The following CD80 variants were observed in gnomAD, a reference collection of about 807,000 sequenced individuals.
CD80 encodes CD80 molecule, also known as T-lymphocyte activation antigen CD80.
CD80 carries 13 observed loss-of-function variants against 27.1 expected under a neutral mutation model. The ratio of observed to expected loss-of-function variants is 0.48; its 90% CI spans 0.31 to 0.76. The LOEUF is 0.76. Ranked by LOEUF, CD80 falls within the 30% of genes least tolerant of loss-of-function variation. The pLI is 0.04. For synonymous variants in CD80, 125 were observed against 125.5 expected, an observed-to-expected ratio of 1.00 and a Z score of 0.03; for missense variants, 277 against 347.9, an observed-to-expected ratio of 0.80 and a Z score of 1.62.
chr3:119,543,887 CTTTTT>C (rs71619749), intron 3 of CD80, among the ~76,000 whole-genome samples: 1 of 99,128 alleles, frequency 1.0e-5, no homozygotes. Flanking sequence ...CTCCATTGTT[CTTTTT>C]TTTTTTTTTT....
intron 1 of CD80, among the ~76,000 whole-genome samples, chr3:119,558,765 C>CA (rs11343154): frequency 0.033 from 3,072 of 93,458 alleles, 96 homozygotes; most frequent in African/African-American, 0.083. Flanking sequence ...GACTCCATCT[C>CA]AAAAAAAAAA....
chr3:119,558,239 T>C (rs1327194348), intron 1 of CD80, among the ~76,000 whole-genome samples: 1 of 152,180 alleles, frequency 6.6e-6, no homozygotes, highest in Non-Finnish European at 1.5e-5. Context: ...CTTCTGAACA[T>C]ACCAAGAAAC....
intron 2 of CD80, among the ~76,000 whole-genome samples, chr3:119,547,214 A>G (rs1484792246): frequency 1.3e-5 from 2 of 152,224 alleles, no homozygotes; most frequent in African/African-American, 4.8e-5. Flanking sequence ...TAAGCAACTT[A>G]CTTTACTTCT....
intron 5 of CD80, among the ~76,000 whole-genome samples, chr3:119,529,138 CAG>C (rs923733127): frequency 2.0e-5 from 3 of 151,962 alleles, no homozygotes; most frequent in Non-Finnish European, 2.9e-5. Context: ...TTAGTAGAGA[CAG>C]AGTTTCACCA....
Position 119,529,947 on chromosome 3 carries a change from G to A in CD80, c.701-10C>T, listed in dbSNP as rs1454593360. 3.8e-6 allele frequency: 6 copies of A among 1,581,600 alleles called. No individual in the cohort carries two copies. Among genetic ancestry groups the A allele is most frequent in the Admixed American group, 1.7e-5 (1 of 59,946 alleles). On this transcript the variant is annotated splice_polypyrimidine_tract_variant and intron_variant, in intron 4 of 6. Transcript: ENST00000264246. ...AAATGCTCTTGCTTGGCTATGGAGG[G>A]AAAAGAATAATGTCAGCTGTAATGT...
intron 3 of CD80, among the ~76,000 whole-genome samples, chr3:119,541,917 C>T (rs2082171225): frequency 6.6e-6 from 1 of 152,062 alleles, no homozygotes; most frequent in African/African-American, 2.4e-5. Context: ...TGAAATGTTT[C>T]CTTTTCTCAC....
chr3:119,556,533 G>A (rs1259324497), intron 2 of CD80, among the ~76,000 whole-genome samples: 1 of 152,140 alleles, frequency 6.6e-6, no homozygotes, highest in African/African-American at 2.4e-5. Context: ...AACCTGAGGT[G>A]TAAATTGTGA....
chr3:119,536,810 ATTATAATACCGTATT>A (rs2082141666), intron 4 of CD80, among the ~76,000 whole-genome samples: 1 of 152,232 alleles, frequency 6.6e-6, no homozygotes, highest in South Asian at 2.1e-4. Flanking sequence ...GTCCCATAAA[ATTATAATACCGTATT>A]TTTACTGTAC....
At chr3:119,557,105 A>G (rs1205375583) in intron 2 of CD80, among the ~76,000 whole-genome samples, 1 of 152,238 alleles carries the variant, frequency 6.6e-6, no homozygotes, top group Admixed American at 6.5e-5. Flanking sequence ...AGCAGAACAA[A>G]TAAGATTAAT....
intron 3 of CD80, among the ~76,000 whole-genome samples, chr3:119,544,127 A>G (rs1471660033): frequency 6.6e-6 from 1 of 152,024 alleles, no homozygotes; most frequent in Non-Finnish European, 1.5e-5. Flanking sequence ...ACCTCAAGTG[A>G]TCCGCCTGCC....
At chr3:119,539,118 T>C (rs1363589971) in intron 3 of CD80, among the ~76,000 whole-genome samples, 1 of 152,244 alleles carries the variant, frequency 6.6e-6, no homozygotes, top group Non-Finnish European at 1.5e-5. Context: ...AAAATATCAT[T>C]GAAATGTATT....
chr3:119,530,083 A>C (rs1290564409), intron 4 of CD80, 146 bp from the exon 5 acceptor site: 3 of 588,616 alleles, frequency 5.1e-6, no homozygotes, highest in Non-Finnish European at 9.2e-6. Context: ...TTCTTGCATA[A>C]TTCTTCAATC....
intron 4 of CD80, among the ~76,000 whole-genome samples, chr3:119,536,415 ACTGCAACTTTGAACAC>A (rs1432118185): frequency 6.6e-6 from 1 of 152,102 alleles, no homozygotes; most frequent in Non-Finnish European, 1.5e-5. Context: ...ATCATAGCTC[ACTGCAACTTTGAACAC>A]CTGGGCTCAA....
intron 6 of CD80, among the ~76,000 whole-genome samples, chr3:119,526,847 C>T: frequency 6.6e-6 from 1 of 152,090 alleles, no homozygotes; most frequent in East Asian, 1.9e-4. Flanking sequence ...ACTGGTGTTA[C>T]TCTAACCTTC....
Position 119,544,596 on chromosome 3 carries a change from G to T in CD80, c.372C>A (p.Asp124Glu), listed in dbSNP as rs372271427. ...CAGCCAGGTGTTCCCGCTTGAAAGC[G>T]TCTTTTTCATACTTCAGAACAACAC... is the stretch of plus-strand genomic sequence containing the variant. ...YECVVLKYEK[D>E]AFKREHLAEV... Residue 124 changes from aspartate to glutamate, a missense_variant, in exon 3 of 7, where the codon GAC (aspartate) becomes GAA (glutamate). Asp to Glu is a conservative substitution (Grantham distance 45). Transcript: ENST00000264246. 3.1e-5 allele frequency: 50 copies of T among 1,614,038 alleles called. 1 individual carries two copies. The highest frequency in any genetic ancestry group is 4.2e-6 in the Non-Finnish European group (5 of 1,180,000).
At chr3:119,549,037 AAAAT>A (rs112914312) in intron 2 of CD80, among the ~76,000 whole-genome samples, 18,931 of 151,642 alleles carry the variant, frequency 0.12, 1,363 homozygotes, top group Admixed American at 0.18. Flanking sequence ...ACTCCGTCTC[AAAAT>A]AAATAAATAA....
chr3:119,527,956 T>A (rs2082077289), intron 5 of CD80, 115 bp from the exon 6 acceptor site: 2 of 856,916 alleles, frequency 2.3e-6, no homozygotes, highest in Non-Finnish European at 3.8e-6. Flanking sequence ...GAGCAGTTGT[T>A]CTTATACCAG....
intron 2 of CD80, among the ~76,000 whole-genome samples, chr3:119,549,477 C>T (rs944377257): frequency 2.0e-5 from 3 of 152,186 alleles, no homozygotes; most frequent in African/African-American, 4.8e-5. Context: ...CCAGTGCTGT[C>T]GTACTGTGCC....
chr3:119,557,187 G>A lies in CD80; in HGVS notation c.100+442C>T, dbSNP rs534145464. Among the ~76,000 whole-genome samples the A allele has an allele frequency of 8.7e-4, 133 of 152,202 alleles. No individual in the cohort carries two copies. In the South Asian group the frequency reaches 0.019, roughly 22 times the overall value. On this transcript the variant is annotated intron_variant, in intron 2 of 6. Coordinates refer to ENST00000264246, the MANE Select transcript of CD80 (RefSeq NM_005191.4). ...AGGAATTGTCCTCAACTACTCTCCC[G>A]CCTTCAGATTGGAAAGAAGATCACC... is the stretch of plus-strand genomic sequence containing the variant.
Sources: allele counts gnomAD v4.1 joint callset (sites outside exome capture counted in the v4.1 genomes callset), GRCh38; gene constraint gnomAD v4.1.1; transcripts MANE v1.5; gene names NCBI Gene and HGNC (gene_info 2026-07-23, HGNC 2026-07-21).